Variants in COL21A1 observed in about 807,000 individuals in gnomAD.
COL21A1 encodes the protein collagen type XXI alpha 1 chain.
Under a neutral mutation model 137.9 loss-of-function variants are expected in COL21A1, and 149 were observed. The ratio of observed to expected loss-of-function variants is 1.08; its 90% CI spans 0.95 to 1.24. The LOEUF (loss-of-function observed/expected upper bound fraction) is 1.24. Among genes scored for constraint, COL21A1 ranks in the 50% most tolerant of loss-of-function variants. The pLI is 0.00. For synonymous variants in COL21A1, 456 were observed against 391.5 expected (o/e 1.16, Z -1.95); for missense variants, 1,167 against 1,158.4 (o/e 1.01, Z -0.11).
In COL21A1 at chr6:56,061,013, C is replaced by T. The variant is rs1238864585; in HGVS notation, c.2230G>A (p.Val744Ile). The T allele has an allele frequency of 6.2e-7, 1 of 1,607,044 alleles. No homozygotes were observed. Residue 744 changes from valine to isoleucine, a missense_variant, in exon 26 of 30, where the codon GTC becomes ATC. Transcript: ENST00000244728. ...GERGEKGEPG[V>I]RGAIGSKGES... is the part of the protein sequence containing the mutation. ...CCTTTTGATCCAATGGCACCTCGGA[C>T]ACCAGGTTCTCCCTTTTCACCTCTC...
At chr6:56,388,341 G>C (rs2094022615) in intron 1 of COL21A1, among the ~76,000 whole-genome samples, 1 of 152,212 alleles carries the variant, frequency 6.6e-6, no homozygotes. Flanking sequence ...CACAGTGCCA[G>C]CTGTGGTGGA....
intron 1 of COL21A1, among the ~76,000 whole-genome samples, chr6:56,211,841 A>C (rs6939465): frequency 0.66 from 99,872 of 151,980 alleles, 33,248 homozygotes; most frequent in East Asian, 0.86. Flanking sequence ...AAAATACATC[A>C]ATCTATACCA....
chr6:56,301,031 A>T (rs975558567), intron 1 of COL21A1, among the ~76,000 whole-genome samples: 1 of 152,194 alleles, frequency 6.6e-6, no homozygotes, highest in Admixed American at 6.6e-5. Flanking sequence ...ACTCTCAAGG[A>T]GGTGGATAGA....
chr6:56,345,761 T>C (rs750317782), intron 1 of COL21A1, among the ~76,000 whole-genome samples: 2 of 152,228 alleles, frequency 1.3e-5, no homozygotes, highest in Non-Finnish European at 2.9e-5. Flanking sequence ...GGAAATATGC[T>C]GTGGTAATAT....
At chr6:56,362,601 C>T (rs577617590) in intron 1 of COL21A1, among the ~76,000 whole-genome samples, 1 of 152,210 alleles carries the variant, frequency 6.6e-6, no homozygotes, top group East Asian at 1.9e-4. Context: ...CCTTCTCGGC[C>T]TTTCCTTCAA....
chr6:56,189,105 G>A (rs1229549365), intron 1 of COL21A1, among the ~76,000 whole-genome samples: 1 of 151,978 alleles, frequency 6.6e-6, no homozygotes, highest in Non-Finnish European at 1.5e-5. Context: ...ACAAAACTGC[G>A]CAGAGAATGA....
intron 24 of COL21A1, among the ~76,000 whole-genome samples, chr6:56,062,798 C>T (rs996414967): frequency 6.6e-6 from 1 of 151,992 alleles, no homozygotes; most frequent in African/African-American, 2.4e-5. Flanking sequence ...GGGAGTGATC[C>T]TTACAAGATA....
intron 1 of COL21A1, among the ~76,000 whole-genome samples, chr6:56,309,684 G>C (rs9396200): frequency 0.85 from 129,421 of 152,158 alleles, 57,469 homozygotes; most frequent in South Asian, 0.99. Context: ...GACAGTACTC[G>C]CAACAGTTGA....
intron 16 of COL21A1, among the ~76,000 whole-genome samples, chr6:56,107,761 G>A (rs2152180942): frequency 6.6e-6 from 1 of 152,210 alleles, no homozygotes; most frequent in East Asian, 1.9e-4. Context: ...GTATTCACAA[G>A]CCCTTCCAAA....
intron 1 of COL21A1, among the ~76,000 whole-genome samples, chr6:56,281,548 C>T (rs1320825988): frequency 6.6e-6 from 1 of 152,028 alleles, no homozygotes; most frequent in Non-Finnish European, 1.5e-5. Flanking sequence ...TTTTACTTAC[C>T]TACAAAGTAA....
rs1764524487 is a variant in COL21A1, at chr6:56,308,532, T to A, written c.-39+85439A>T. Among the ~76,000 whole-genome samples, 3 of 152,272 alleles carry A rather than the reference T, an allele frequency of 2.0e-5. No homozygotes were observed. The South Asian group carries it at 6.2e-4, about 32-fold the overall frequency. ...ATACGAGGTATATAAAATAGTCAAA[T>A]TCATAGAATCAGAGTGGAATAGTGG... On this transcript the variant is annotated intron_variant, in intron 1 of 28. Coordinates refer to the COL21A1 transcript ENST00000370819.
At chr6:56,197,331 C>T (rs752572559) in intron 1 of COL21A1, among the ~76,000 whole-genome samples, 2 of 151,866 alleles carry the variant, frequency 1.3e-5, no homozygotes, top group Non-Finnish European at 2.9e-5. Context: ...AACAAAAGCA[C>T]AGACAACAAA....
intron 17 of COL21A1, among the ~76,000 whole-genome samples, chr6:56,085,959 T>C (rs1437695978): frequency 1.4e-5 from 2 of 148,000 alleles, no homozygotes; most frequent in Non-Finnish European, 1.5e-5. Flanking sequence ...CATTTACATA[T>C]AGTCTCATAT....
At chr6:56,349,308 A>T (rs1765660361) in intron 1 of COL21A1, among the ~76,000 whole-genome samples, 1 of 151,438 alleles carries the variant, frequency 6.6e-6, no homozygotes, top group Admixed American at 6.6e-5. Context: ...TGTTTTTAAT[A>T]AAGAAAGCTT....
At chr6:56,193,998 A>C (rs546044372) in intron 1 of COL21A1, among the ~76,000 whole-genome samples, 143 of 152,266 alleles carry the variant, frequency 9.4e-4, no homozygotes, top group Non-Finnish European at 1.7e-3. Context: ...CATGATCCCA[A>C]AGTGCTGGGA....
intron 1 of COL21A1, among the ~76,000 whole-genome samples, chr6:56,287,145 G>T (rs1393149212): frequency 6.6e-6 from 1 of 152,190 alleles, no homozygotes; most frequent in Non-Finnish European, 1.5e-5. Context: ...AAGACATGAT[G>T]TTGAACTTGA....
chr6:56,373,737 T>A (rs183443444), intron 1 of COL21A1, among the ~76,000 whole-genome samples: 1 of 152,190 alleles, frequency 6.6e-6, no homozygotes, highest in Admixed American at 6.5e-5. Context: ...CCTCACATAC[T>A]TTTTTTGTAC....
At chr6:56,072,478 T>G (rs1436906865) in intron 20 of COL21A1, among the ~76,000 whole-genome samples, 1 of 151,490 alleles carries the variant, frequency 6.6e-6, no homozygotes, top group Non-Finnish European at 1.5e-5. Flanking sequence ...AATACGTTTT[T>G]GTCTCACCCT....
At chr6:56,157,379 C>T (rs549099479) in intron 9 of COL21A1, among the ~76,000 whole-genome samples, 2 of 146,298 alleles carry the variant, frequency 1.4e-5, no homozygotes, top group East Asian at 2.0e-4. Context: ...GATGCGATCT[C>T]GGCTCACTGC....
Sources: gnomAD v4.1 joint callset for allele counts (sites outside exome capture counted in the v4.1 genomes callset) on GRCh38, gnomAD v4.1.1 for gene constraint, MANE v1.5 for transcripts, NCBI Gene and HGNC (gene_info 2026-07-23, HGNC 2026-07-21) for gene names.